SH3BP5: variants seen among roughly 807,000 people sequenced by gnomAD.
The protein encoded by SH3BP5 is SH3 domain binding protein 5.
SH3BP5 carries 22 observed loss-of-function variants against 43.3 expected under a neutral mutation model. The observed-to-expected ratio is 0.51, with a 90% CI of 0.36 to 0.73. The LOEUF (loss-of-function observed/expected upper bound fraction) is 0.73. Among genes scored for constraint, SH3BP5 ranks in the 30% least tolerant of loss-of-function variants. SH3BP5 has a pLI of 0.00. For synonymous variants in SH3BP5, 255 were observed against 225.8 expected (o/e 1.13, Z -1.16); for missense variants, 529 against 586.9 (o/e 0.90, Z 1.02).
chr3:15,317,202 G>A (rs2688662), intron 2 of SH3BP5, among the ~76,000 whole-genome samples: 52,412 of 152,060 alleles, frequency 0.34, 9,396 homozygotes, highest in Non-Finnish European at 0.4. Context: ...TGAAATATAA[G>A]GTCCACTTTA....
intron 2 of SH3BP5, among the ~76,000 whole-genome samples, chr3:15,312,335 A>G (rs1001395410): frequency 3.9e-5 from 6 of 152,192 alleles, no homozygotes; most frequent in African/African-American, 1.4e-4. Context: ...CATAAAATGT[A>G]TTATTTTTGT....
chr3:15,332,366 C>G lies in SH3BP5; in HGVS notation c.43G>C (p.Glu15Gln), dbSNP rs758351523. 3 of 1,540,098 alleles carry G rather than the reference C, an allele frequency of 1.9e-6. No homozygotes were observed. Among genetic ancestry groups the G allele is most frequent in the African/African-American group, 2.7e-5 (2 of 73,128 alleles). ...LKRSRSEEPA[E>Q]ILPPARDEEE... ...TCGTCCCGGGCAGGCGGCAGGATTT[C>G]GGCTGGCTCCTCCGAGCGGCTCCGC... The change falls in exon 1 of 9, where the codon GAA becomes CAA. Residue 15 changes from glutamate (E) to glutamine (Q), a missense_variant. Physicochemically the swap from Glu to Gln is conservative, Grantham distance 29. Around this residue, in one of 3 missense-constraint regions of SH3BP5, gnomAD observed 75 missense variants for 61.8 expected, o/e 1.21. Transcript: ENST00000383791.
chr3:15,338,968 G>A lies in SH3BP5; in HGVS notation c.-402+2255C>T, dbSNP rs118111232. On this transcript the variant is annotated intron_variant, in intron 1 of 8. Coordinates refer to the SH3BP5 transcript ENST00000408919. Reference sequence around the variant, plus strand: ...TAAGGTGTTGCAGGAAAGCTGGCTCGTAGGTCTTCCTGCCAAATCTCTCTT... The same window carrying A: ...TAAGGTGTTGCAGGAAAGCTGGCTCATAGGTCTTCCTGCCAAATCTCTCTT... Among the ~76,000 whole-genome samples, 69 of 152,254 alleles carry A rather than the reference G, an allele frequency of 4.5e-4. No individual in the cohort carries two copies. In the East Asian group the frequency reaches 0.011, roughly 24 times the overall value.
In SH3BP5 at chr3:15,294,325, G is replaced by GTGTA. The variant is rs1553616726; in HGVS notation, c.330+9777_330+9778insTACA. On this transcript the variant is annotated intron_variant, in intron 3 of 8. Transcript: ENST00000383791. ...TGTGTGTGTGTGTGTGTGTGTGTGT[G>GTGTA]TGTGTGCGCGCGCATGTTTACGTAA... Among the ~76,000 whole-genome samples, 133 of 142,926 alleles carry GTGTA rather than the reference G, an allele frequency of 9.3e-4. 7 individuals are homozygous for GTGTA. The highest frequency in any genetic ancestry group is 2.6e-3 in the South Asian group (12 of 4,634). The allele number at this position is 142,926 out of a possible 152,430, so 93.8% of individuals were successfully genotyped here. A position where few individuals can be genotyped will look rare whatever the true frequency, so the allele number is the denominator to read the frequency against.
chr3:15,293,381 A>C (rs1697467985), intron 3 of SH3BP5, among the ~76,000 whole-genome samples: 1 of 152,234 alleles, frequency 6.6e-6, no homozygotes, highest in South Asian at 2.1e-4. Context: ...CTCTGCAGAG[A>C]TAAAGTGACG....
chr3:15,294,077 C>CAAAAAAAAAAAAAA (rs111324706), intron 3 of SH3BP5, among the ~76,000 whole-genome samples: 1 of 70,940 alleles, frequency 1.4e-5, no homozygotes, highest in Non-Finnish European at 3.3e-5. Flanking sequence ...GTCTCCATCT[C>CAAAAAAAAAAAAAA]AAAAAAAAAA....
At chr3:15,323,427 G>A (rs983803548) in intron 2 of SH3BP5, among the ~76,000 whole-genome samples, 8 of 152,172 alleles carry the variant, frequency 5.3e-5, no homozygotes, top group African/African-American at 1.9e-4. Flanking sequence ...TCTGTTTGCA[G>A]CGCCCAGCGG....
At chr3:15,327,092 G>A (rs1196572321) in intron 2 of SH3BP5, among the ~76,000 whole-genome samples, 1 of 152,166 alleles carries the variant, frequency 6.6e-6, no homozygotes, top group Non-Finnish European at 1.5e-5. Flanking sequence ...ACTGGGCACG[G>A]TGGCTCACAC....
At chr3:15,311,354 G>A (rs1169122132) in intron 2 of SH3BP5, among the ~76,000 whole-genome samples, 2 of 152,104 alleles carry the variant, frequency 1.3e-5, no homozygotes, top group African/African-American at 2.4e-5. Flanking sequence ...CCTGAGGTCA[G>A]GAGTTCGAGA....
intron 2 of SH3BP5, among the ~76,000 whole-genome samples, chr3:15,314,139 T>A (rs1032653471): frequency 3.4e-4 from 52 of 151,928 alleles, no homozygotes; most frequent in Non-Finnish European, 1.6e-4. Context: ...GATTTTTTTT[T>A]AATTGTTTTT....
intron 3 of SH3BP5, among the ~76,000 whole-genome samples, chr3:15,292,805 A>G (rs1393267078): frequency 6.6e-6 from 1 of 152,174 alleles, no homozygotes; most frequent in East Asian, 1.9e-4. Flanking sequence ...CCGAGATCAC[A>G]CCATTGCACC....
At chr3:15,322,967 G>A (rs531748242) in intron 2 of SH3BP5, among the ~76,000 whole-genome samples, 163 of 151,526 alleles carry the variant, frequency 1.1e-3, no homozygotes, top group Non-Finnish European at 2.0e-3. Context: ...GGCAAAACCC[G>A]GTCTCTACCA....
Position 15,254,690 on chromosome 3 carries a change from C to T in SH3BP5, c.*1396G>A, listed in dbSNP as rs1169929805. On this transcript the variant is annotated 3_prime_UTR_variant, in exon 9 of 9. Transcript: ENST00000383791. ...AGCAACAGCAAAAGTAGAATTCAAA[C>T]CTTGGTAAACAAGGCTTAAATTATT... The T allele has an allele frequency of 6.6e-6, 1 of 152,168 alleles. No homozygotes were observed. The highest frequency in any genetic ancestry group is 1.5e-5 in the Non-Finnish European group (1 of 68,036). 9.4% of individuals were successfully genotyped at this position (152,168 alleles called of 1,614,324 possible). A position where few individuals can be genotyped will look rare whatever the true frequency, so the allele number is the denominator to read the frequency against.
At chr3:15,290,525 CAA>C (rs3031239) in intron 3 of SH3BP5, among the ~76,000 whole-genome samples, 75 of 56,296 alleles carry the variant, frequency 1.3e-3, no homozygotes, top group African/African-American at 4.4e-3. Context: ...GACTCTGTCC[CAA>C]AAAAAAAAAA....
At chr3:15,265,818 A>G (rs1366988921) in intron 4 of SH3BP5, among the ~76,000 whole-genome samples, 2 of 152,036 alleles carry the variant, frequency 1.3e-5, no homozygotes, top group African/African-American at 4.8e-5. Context: ...GATGCTGAAG[A>G]TCCAGGGACC....
intron 3 of SH3BP5, among the ~76,000 whole-genome samples, chr3:15,292,658 G>A (rs1003138380): frequency 1.3e-5 from 2 of 152,146 alleles, no homozygotes; most frequent in African/African-American, 4.8e-5. Flanking sequence ...AGACCAGCCT[G>A]ACCAACATGG....
Position 15,332,489 on chromosome 3 carries a change from G to A in SH3BP5, c.-81C>T. On this transcript the variant is annotated 5_prime_UTR_variant, in exon 1 of 9. Coordinates refer to ENST00000383791, the MANE Select transcript of SH3BP5 (RefSeq NM_004844.5). ...GGCTGCCACAGGCTGGGCTGGAGCC[G>A]CCTCGCCACAGCCGGGCACGGTCGG... 2 of 1,359,714 alleles carry A rather than the reference G, an allele frequency of 1.5e-6. No individual in the cohort carries two copies. The highest frequency in any genetic ancestry group is 3.1e-5 in the East Asian group (1 of 32,120). The allele number at this position is 1,359,714 out of a possible 1,614,324, so 84.2% of individuals were successfully genotyped here.
chr3:15,291,243 G>A (rs938283029), intron 3 of SH3BP5, among the ~76,000 whole-genome samples: 13 of 152,124 alleles, frequency 8.5e-5, no homozygotes, highest in Non-Finnish European at 1.3e-4. Flanking sequence ...GCCCACTCAA[G>A]GCTACAGGCT....
intron 3 of SH3BP5, among the ~76,000 whole-genome samples, chr3:15,281,899 G>A (rs1387689192): frequency 6.6e-6 from 1 of 152,152 alleles, no homozygotes; most frequent in African/African-American, 2.4e-5. Flanking sequence ...AGCTACTCAG[G>A]AGGCTGAGGC....
Sources: gnomAD v4.1 joint callset for allele counts (sites outside exome capture counted in the v4.1 genomes callset) on GRCh38, gnomAD v4.1.1 for gene constraint, gnomAD v4.1.1 regional missense constraint, MANE v1.5 for transcripts, NCBI Gene and HGNC (gene_info 2026-07-23, HGNC 2026-07-21) for gene names.